Variants in ZBTB38 observed in about 807,000 individuals in gnomAD.
The protein encoded by ZBTB38 is zinc finger and BTB domain-containing protein 38.
In ZBTB38, 20 loss-of-function variants were observed where a neutral mutation model predicts 76.8. The ratio of observed to expected loss-of-function variants is 0.26; its 90% CI spans 0.18 to 0.38. ZBTB38 has a LOEUF of 0.38. Ranked by LOEUF, ZBTB38 falls within the 10% of genes least tolerant of loss-of-function variation. The pLI is 1.00. For synonymous variants in ZBTB38, 504 were observed against 544.2 expected (o/e 0.93, Z 1.03); for missense variants, 1,082 against 1,482.3 (o/e 0.73, Z 4.43).
chr3:141,404,726 G>A (rs186206952), intron 5 of ZBTB38, among the ~76,000 whole-genome samples: 3 of 152,284 alleles, frequency 2.0e-5, no homozygotes, highest in Admixed American at 6.5e-5. Flanking sequence ...AAGAATAGGC[G>A]TAAAGGATTG....
chr3:141,325,200 A>G (rs767107322), intron 1 of ZBTB38, among the ~76,000 whole-genome samples: 1 of 152,222 alleles, frequency 6.6e-6, no homozygotes, highest in African/African-American at 2.4e-5. Flanking sequence ...AAATTTACAA[A>G]TATCTAACCT....
chr3:141,334,303 A>C (rs1942943169), intron 1 of ZBTB38, among the ~76,000 whole-genome samples: 2 of 151,390 alleles, frequency 1.3e-5, no homozygotes, highest in Non-Finnish European at 2.9e-5. Context: ...TCTCTGAGGC[A>C]TCTTCTCATG....
At chr3:141,337,457 C>A (rs1943047834) in intron 1 of ZBTB38, among the ~76,000 whole-genome samples, 2 of 152,228 alleles carry the variant, frequency 1.3e-5, no homozygotes, top group African/African-American at 4.8e-5. Context: ...TTTGAATCAT[C>A]CCCTCCAACC....
intron 1 of ZBTB38, among the ~76,000 whole-genome samples, chr3:141,336,574 C>A (rs1241616980): frequency 6.6e-6 from 1 of 152,062 alleles, no homozygotes; most frequent in East Asian, 1.9e-4. Context: ...GTCTTGAACT[C>A]CTGGCCTCAA....
At chr3:141,366,457 C>T (rs1943969966), upstream of ZBTB38, 1 of 152,370 alleles carries the variant, frequency 6.6e-6, no homozygotes, top group Non-Finnish European at 1.5e-5. Flanking sequence ...CAAGATCAGG[C>T]TGTGTGCAGA....
In ZBTB38 at chr3:141,446,355, G is replaced by A. The variant is rs1221777479; in HGVS notation, c.*379G>A. On this transcript the variant is annotated 3_prime_UTR_variant, in exon 6 of 6. Coordinates refer to ENST00000321464, the MANE Select transcript of ZBTB38 (RefSeq NM_001376113.1). ...TCTTTAGTCACTGGAGAAAATAAGG[G>A]TCAGATATCCTGAAGATGGCATCTT... The A allele has an allele frequency of 6.2e-6, 1 of 161,762 alleles. No homozygotes were observed. Among genetic ancestry groups the A allele is most frequent in the Non-Finnish European group, 1.4e-5 (1 of 73,940 alleles). The allele number at this position is 161,762 out of a possible 1,614,324, so 10.0% of individuals were successfully genotyped here.
rs920364391 is a variant in ZBTB38 at position 141,413,675 on chromosome 3, G to C, written c.-1+9644G>C. 3.3e-5 allele frequency among the ~76,000 whole-genome samples: 5 copies of C among 152,182 alleles called. No homozygotes were observed. The highest frequency in any genetic ancestry group is 1.2e-4 in the African/African-American group (5 of 41,442). The stretch of plus-strand genomic sequence containing the variant: ...CTTCCCCCGTTACACACCTGCTCAT[G>C]ATGACTTGTGGGATGCTTGTTTTAA... On this transcript the variant is annotated intron_variant, in intron 5 of 5. Transcript: ENST00000321464. The surrounding 1 kb of genome is among the most constrained non-coding windows in gnomAD (Gnocchi z 4.1).
At chr3:141,402,829 C>CG (rs1553767192) in intron 4 of ZBTB38, 1 of 152,230 alleles carries the variant, frequency 6.6e-6, no homozygotes, top group Non-Finnish European at 1.5e-5. Context: ...TCGAGTCCAG[C>CG]GGGCTCGGGC....
At chr3:141,326,936 T>G (rs1456506090) in intron 1 of ZBTB38, among the ~76,000 whole-genome samples, 2 of 152,244 alleles carry the variant, frequency 1.3e-5, no homozygotes, top group Non-Finnish European at 2.9e-5. Flanking sequence ...GGAGGCATCC[T>G]TCTAGGCCTG....
Position 141,443,892 on chromosome 3 carries a change from T to A in ZBTB38, c.1504T>A (p.Tyr502Asn). 6.2e-7 allele frequency: 1 copy of A among 1,614,058 alleles called. No homozygotes were observed. Among genetic ancestry groups the A allele is most frequent in the Non-Finnish European group, 8.5e-7 (1 of 1,180,028 alleles). The stretch of plus-strand genomic sequence containing the variant: ...CAACAAAGTATTTGCATTGGCTGAG[T>A]ACAGGACAAGGCATGAAATTTGGCA... ...YCNKVFALAE[Y>N]RTRHEIWHTG... The change falls in exon 6 of 6, where the codon TAC (tyrosine) becomes AAC (asparagine). Residue 502 changes from tyrosine to asparagine, a missense_variant. By Grantham distance (143) the Tyr-to-Asn change is moderately radical. Coordinates refer to ENST00000321464, the MANE Select transcript of ZBTB38 (RefSeq NM_001376113.1). This position sits in a 1 kb window ranked among gnomAD's most constrained non-coding sequence, Gnocchi z 5.6.
intron 3 of ZBTB38, among the ~76,000 whole-genome samples, chr3:141,382,182 A>C (rs1946294998): frequency 6.6e-6 from 1 of 152,146 alleles, no homozygotes; most frequent in South Asian, 2.1e-4. Context: ...CTGAGAGTTC[A>C]AGTCCCACCT....
intron 1 of ZBTB38, among the ~76,000 whole-genome samples, chr3:141,343,964 T>C (rs1365661559): frequency 6.6e-6 from 1 of 152,194 alleles, no homozygotes; most frequent in Non-Finnish European, 1.5e-5. Context: ...AAAACATTGA[T>C]GCTGGGAATT....
At chr3:141,359,701 C>A (rs1053081468) in intron 1 of ZBTB38, among the ~76,000 whole-genome samples, 1 of 152,176 alleles carries the variant, frequency 6.6e-6, no homozygotes, top group African/African-American at 2.4e-5. Context: ...GAGGCCAACG[C>A]AGGAGGATCA....
intron 5 of ZBTB38, among the ~76,000 whole-genome samples, chr3:141,405,117 C>T (rs1284368561): frequency 6.6e-6 from 1 of 152,164 alleles, no homozygotes. Context: ...ATTTATTTTT[C>T]ATCAACAAAT....
At chr3:141,421,683 C>T (rs1385835899) in intron 5 of ZBTB38, among the ~76,000 whole-genome samples, 2 of 152,156 alleles carry the variant, frequency 1.3e-5, no homozygotes, top group East Asian at 1.9e-4. Context: ...TGGCTGGAGC[C>T]GTCCTCAGCC....
At chr3:141,393,909 G>A (rs909823942) in intron 4 of ZBTB38, among the ~76,000 whole-genome samples, 14 of 152,296 alleles carry the variant, frequency 9.2e-5, no homozygotes, top group Non-Finnish European at 1.9e-4. Flanking sequence ...ATGGCCCCAC[G>A]TTGGCGATTG....
intron 1 of ZBTB38, among the ~76,000 whole-genome samples, chr3:141,340,927 AAAAAG>A (rs752742012): frequency 2.0e-5 from 2 of 102,064 alleles, no homozygotes; most frequent in Non-Finnish European, 3.5e-5. Context: ...AAGGAAAGGA[AAAAAG>A]AAAAGAAAAG....
intron 2 of ZBTB38, among the ~76,000 whole-genome samples, chr3:141,372,600 C>T (rs575955640): frequency 1.2e-4 from 18 of 149,870 alleles, no homozygotes; most frequent in South Asian, 1.1e-3. Flanking sequence ...TGCAGTGAAC[C>T]GAGATCACAC....
intron 1 of ZBTB38, among the ~76,000 whole-genome samples, chr3:141,341,938 T>TA (rs75544564): frequency 0.17 from 26,187 of 151,928 alleles, 4,286 homozygotes; most frequent in African/African-American, 0.42. Flanking sequence ...TTCACTTTTT[T>TA]AAAAAAAAGC....
Sources: gnomAD v4.1 joint callset for allele counts (sites outside exome capture counted in the v4.1 genomes callset) on GRCh38, gnomAD v4.1.1 for gene constraint, Gnocchi (gnomAD v3.1) non-coding constraint, MANE v1.5 for transcripts, NCBI Gene and HGNC (gene_info 2026-07-23, HGNC 2026-07-21) for gene names.